MRTFA: variants seen among roughly 807,000 people sequenced by gnomAD.
MRTFA encodes myocardin-related transcription factor A.
In MRTFA, 20 loss-of-function variants were observed where a neutral mutation model predicts 83.5. The observed-to-expected ratio is 0.24, with a 90% CI of 0.17 to 0.35. MRTFA has a LOEUF of 0.35. Among genes scored for constraint, MRTFA ranks in the 10% least tolerant of loss-of-function variants. MRTFA has a pLI of 1.00. For synonymous variants in MRTFA, 659 were observed against 541.2 expected (o/e 1.22, Z -3.02); for missense variants, 1,200 against 1,224.7 (o/e 0.98, Z 0.30).
intron 1 of MRTFA, among the ~76,000 whole-genome samples, chr22:40,634,937 G>C (rs1330238643): frequency 6.6e-6 from 1 of 152,202 alleles, no homozygotes; most frequent in Non-Finnish European, 1.5e-5. Context: ...ACTTATTCAA[G>C]TGGATGTGAC....
chr22:40,514,268 TTAAATAAA>T lies in MRTFA; in HGVS notation c.241+37830_241+37837del, dbSNP rs543495369. Among the ~76,000 whole-genome samples, 930 of 151,506 alleles carry T rather than the reference TTAAATAAA, an allele frequency of 6.1e-3. 6 individuals are homozygous for T. The highest frequency in any genetic ancestry group is 0.011 in the Non-Finnish European group (736 of 67,866). On this transcript the variant is annotated intron_variant, in intron 3 of 14. Coordinates refer to ENST00000355630, the MANE Select transcript of MRTFA (RefSeq NM_020831.6). The stretch of plus-strand genomic sequence containing the variant: ...CCCATCTCTACAAATAAATACATAA[TTAAATAAA>T]TAAATAAATAATAAAAGTTAAAAAG...
chr22:40,454,375 C>CA (rs1471164902), intron 4 of MRTFA, among the ~76,000 whole-genome samples: 2 of 152,168 alleles, frequency 1.3e-5, no homozygotes, highest in Non-Finnish European at 2.9e-5. Flanking sequence ...CTTGGCCTCC[C>CA]AAAGTGCTGA....
chr22:40,604,925 G>A (rs141982540), intron 1 of MRTFA, among the ~76,000 whole-genome samples: 127 of 152,234 alleles, frequency 8.3e-4, no homozygotes, highest in Non-Finnish European at 1.5e-3. Context: ...AGTATGTGGT[G>A]CCATAAACCA....
intron 2 of MRTFA, among the ~76,000 whole-genome samples, chr22:40,592,221 G>A (rs1000933965): frequency 7.0e-6 from 1 of 142,862 alleles, no homozygotes; most frequent in Non-Finnish European, 1.5e-5. Context: ...TTGAGGCCAG[G>A]AGTTCAAGAC....
intron 3 of MRTFA, among the ~76,000 whole-genome samples, chr22:40,471,240 A>C (rs1006443787): frequency 1.4e-5 from 2 of 147,764 alleles, no homozygotes; most frequent in African/African-American, 2.5e-5. Flanking sequence ...AAAAAAAAAA[A>C]AAAAAAACAA....
chr22:40,618,666 A>C (rs879926017), intron 1 of MRTFA, among the ~76,000 whole-genome samples: 178 of 152,296 alleles, frequency 1.2e-3, no homozygotes, highest in Non-Finnish European at 1.7e-3. Context: ...AATGCACTTC[A>C]AAAGAAGATA....
intron 1 of MRTFA, among the ~76,000 whole-genome samples, chr22:40,611,851 TTAAG>T (rs1431666133): frequency 3.9e-5 from 6 of 152,060 alleles, no homozygotes; most frequent in African/African-American, 1.4e-4. Flanking sequence ...AGCAACTAAA[TTAAG>T]TCAGTCCACT....
chr22:40,569,251 G>T, intron 2 of MRTFA: 1 of 167,788 alleles, frequency 6.0e-6, no homozygotes, highest in South Asian at 1.7e-4. Flanking sequence ...GAAAAAAGAA[G>T]ACAGCAGAGA....
intron 3 of MRTFA, among the ~76,000 whole-genome samples, chr22:40,507,707 C>G (rs1274779901): frequency 6.6e-6 from 1 of 152,010 alleles, no homozygotes; most frequent in Admixed American, 6.6e-5. Flanking sequence ...GTTGCTCACG[C>G]TTGTAATCCC....
At chr22:40,557,587 A>C (rs1472011306) in intron 2 of MRTFA, among the ~76,000 whole-genome samples, 2 of 152,160 alleles carry the variant, frequency 1.3e-5, no homozygotes, top group Non-Finnish European at 2.9e-5. Flanking sequence ...TCTCGGCAAC[A>C]TAGTAAGACC....
chr22:40,632,899 A>T (rs1014753461), intron 1 of MRTFA, among the ~76,000 whole-genome samples: 1 of 152,028 alleles, frequency 6.6e-6, no homozygotes, highest in African/African-American at 2.4e-5. Context: ...GCTCTCCAAA[A>T]CTCTAATTTC....
At chr22:40,506,592 T>C (rs1602354194) in intron 3 of MRTFA, among the ~76,000 whole-genome samples, 1 of 152,162 alleles carries the variant, frequency 6.6e-6, no homozygotes, top group Admixed American at 6.5e-5. Flanking sequence ...CCCAACGAGG[T>C]TGGATGTTCA....
intron 1 of MRTFA, among the ~76,000 whole-genome samples, chr22:40,596,063 C>T (rs1303437478): frequency 6.6e-6 from 1 of 151,628 alleles, no homozygotes; most frequent in Non-Finnish European, 1.5e-5. Context: ...TAATGTCCCT[C>T]CTCCTCCCCA....
intron 3 of MRTFA, among the ~76,000 whole-genome samples, chr22:40,530,106 G>C (rs947177943): frequency 1.3e-5 from 2 of 152,140 alleles, no homozygotes; most frequent in African/African-American, 4.8e-5. Flanking sequence ...TCCTGCTGTT[G>C]TTATAACTAA....
Position 40,411,310 on chromosome 22 carries a change from A to G in MRTFA, c.*80T>C, listed in dbSNP as rs6001903. ...TGTCAAGACTCACAACCATGTGGAGAGGCCGAATCACGCAGGAGAGCCACG... is the reference window on the plus strand; with the variant it reads ...TGTCAAGACTCACAACCATGTGGAGGGGCCGAATCACGCAGGAGAGCCACG... On this transcript the variant is annotated 3_prime_UTR_variant, in exon 15 of 15. Coordinates refer to ENST00000355630, the MANE Select transcript of MRTFA (RefSeq NM_020831.6). The G allele has an allele frequency of 2.0e-3, 2,765 of 1,414,622 alleles. 26 individuals are homozygous for G. The African/African-American group carries it at 0.02, about 10-fold the overall frequency. The allele number at this position is 1,414,622 out of a possible 1,614,324, so 87.6% of individuals were successfully genotyped here. A position where few individuals can be genotyped will look rare whatever the true frequency, so the allele number is the denominator to read the frequency against.
At chr22:40,566,386 A>AT (rs1261286872) in intron 2 of MRTFA, among the ~76,000 whole-genome samples, 6 of 151,968 alleles carry the variant, frequency 3.9e-5, no homozygotes, top group South Asian at 4.2e-4. Flanking sequence ...CACCTGGCTA[A>AT]TTTTTTTGCA....
rs978906466 is a variant in MRTFA, at chr22:40,592,492, C to CT, written c.-22+2181dup. 5.5e-3 allele frequency among the ~76,000 whole-genome samples: 714 copies of CT among 130,010 alleles called. 2 individuals carry two copies. Among genetic ancestry groups the CT allele is most frequent in the Middle Eastern group, 0.031 (8 of 260 alleles). 85.3% of individuals were successfully genotyped at this position (130,010 alleles called of 152,430 possible). A position where few individuals can be genotyped will look rare whatever the true frequency, so the allele number is the denominator to read the frequency against. The stretch of plus-strand genomic sequence containing the variant: ...AAAAATCTGTGGACATTTTTTTTTT[C>CT]TTTTTTTTTTTTTGGAGACAGGGTC... On this transcript the variant is annotated intron_variant, in intron 2 of 14. Coordinates refer to ENST00000355630, the MANE Select transcript of MRTFA (RefSeq NM_020831.6).
At chr22:40,412,081 TCAC>T in intron 14 of MRTFA, 174 bp from the exon 15 acceptor site, 1 of 492,232 alleles carries the variant, frequency 2.0e-6, no homozygotes, top group Non-Finnish European at 3.3e-6. Flanking sequence ...TATTTGCAAA[TCAC>T]ATATTTGATA....
intron 4 of MRTFA, among the ~76,000 whole-genome samples, chr22:40,455,641 G>C (rs1240233552): frequency 2.2e-5 from 2 of 89,666 alleles, no homozygotes; most frequent in South Asian, 8.9e-4. Flanking sequence ...GCCAGATGCA[G>C]TCTCAAAAAA....
Sources: gnomAD v4.1 joint callset for allele counts (sites outside exome capture counted in the v4.1 genomes callset) on GRCh38, gnomAD v4.1.1 for gene constraint, MANE v1.5 for transcripts, NCBI Gene and HGNC (gene_info 2026-07-23, HGNC 2026-07-21) for gene names.